SPHKAP: variants seen among roughly 807,000 people sequenced by gnomAD.
The protein encoded by SPHKAP is A-kinase anchor protein SPHKAP.
A neutral mutation model predicts 137.5 loss-of-function variants in SPHKAP; 67 were observed. That is an observed-to-expected ratio of 0.49 (90% CI 0.40 to 0.60). SPHKAP has a LOEUF of 0.60. Among genes scored for constraint, SPHKAP ranks in the 20% least tolerant of loss-of-function variants. The probability of loss-of-function intolerance (pLI) is 0.00; values close to 1 mark genes in which losing one functional copy is unlikely to be tolerated. For synonymous variants in SPHKAP, 813 were observed against 785.3 expected, an observed-to-expected ratio of 1.04 and a Z score of -0.59; for missense variants, 2,097 against 2,069.3, an observed-to-expected ratio of 1.01 and a Z score of -0.26.
chr2:228,179,945 C>T (rs986612183), intron 1 of SPHKAP, among the ~76,000 whole-genome samples: 1 of 152,168 alleles, frequency 6.6e-6, no homozygotes, highest in Non-Finnish European at 1.5e-5. Context: ...TTATTAGGAC[C>T]ACCCAATTCA....
chr2:228,033,394 C>A (rs886618281), intron 3 of SPHKAP, among the ~76,000 whole-genome samples: 2 of 152,106 alleles, frequency 1.3e-5, no homozygotes, highest in African/African-American at 4.8e-5. Context: ...CCTTAGTGAC[C>A]TACAAAGAAA....
chr2:228,030,034 G>A (rs1574771613), intron 3 of SPHKAP, among the ~76,000 whole-genome samples: 1 of 152,244 alleles, frequency 6.6e-6, no homozygotes, highest in East Asian at 1.9e-4. Context: ...GCTACTATAT[G>A]AAACTCTACC....
chr2:228,128,427 T>A (rs1186822367), intron 2 of SPHKAP, among the ~76,000 whole-genome samples: 1 of 152,154 alleles, frequency 6.6e-6, no homozygotes, highest in Non-Finnish European at 1.5e-5. Flanking sequence ...CAATTCTAGT[T>A]TTCTTGTTAT....
intron 3 of SPHKAP, among the ~76,000 whole-genome samples, chr2:228,081,032 C>T (rs1158354023): frequency 1.3e-5 from 2 of 152,104 alleles, no homozygotes; most frequent in Non-Finnish European, 2.9e-5. Context: ...ACTCAGAACC[C>T]TATTTCACTC....
chr2:228,145,439 C>T (rs913388441), intron 1 of SPHKAP, among the ~76,000 whole-genome samples: 1 of 152,012 alleles, frequency 6.6e-6, no homozygotes, highest in African/African-American at 2.4e-5. Flanking sequence ...AAACATGCAG[C>T]ATGTTGAAAT....
intron 7 of SPHKAP, among the ~76,000 whole-genome samples, chr2:228,007,772 C>T (rs974966623): frequency 3.3e-5 from 5 of 152,226 alleles, no homozygotes; most frequent in South Asian, 4.1e-4. Context: ...CTATGATCAA[C>T]TGATTTTTGA....
At chr2:227,987,473 T>A (rs1172314107) in intron 11 of SPHKAP, among the ~76,000 whole-genome samples, 1 of 149,492 alleles carries the variant, frequency 6.7e-6, no homozygotes, top group African/African-American at 2.6e-5. Flanking sequence ...CCAGGGTGTA[T>A]AACAGTGCCT....
intron 7 of SPHKAP, among the ~76,000 whole-genome samples, chr2:228,007,414 A>G (rs1181807275): frequency 2.0e-5 from 3 of 152,080 alleles, no homozygotes; most frequent in Non-Finnish European, 2.9e-5. Context: ...GCACCAGAAC[A>G]TGTTCTGTCT....
chr2:227,985,672 A>G (rs769233964), intron 11 of SPHKAP, among the ~76,000 whole-genome samples: 6 of 152,364 alleles, frequency 3.9e-5, no homozygotes, highest in Admixed American at 6.5e-5. Context: ...TTTTGTCTTA[A>G]GAAACTATAT....
At chr2:228,136,818 A>G (rs1699449524) in intron 1 of SPHKAP, among the ~76,000 whole-genome samples, 1 of 152,212 alleles carries the variant, frequency 6.6e-6, no homozygotes, top group Non-Finnish European at 1.5e-5. Context: ...AGATCAGAGT[A>G]AAAGAGATGG....
intron 5 of SPHKAP, among the ~76,000 whole-genome samples, chr2:228,024,030 C>T (rs1205621775): frequency 2.0e-5 from 3 of 152,042 alleles, no homozygotes; most frequent in South Asian, 2.1e-4. Context: ...ATGGGGCCAA[C>T]GGAAAGAAAA....
At chr2:228,051,333 A>G (rs946634854) in intron 3 of SPHKAP, among the ~76,000 whole-genome samples, 11 of 152,194 alleles carry the variant, frequency 7.2e-5, no homozygotes, top group Non-Finnish European at 1.6e-4. Context: ...CTATATCCAT[A>G]GGAAAAAATC....
intron 7 of SPHKAP, among the ~76,000 whole-genome samples, chr2:228,013,498 G>C (rs775402985): frequency 1.2e-4 from 18 of 152,128 alleles, no homozygotes; most frequent in Admixed American, 2.0e-4. Flanking sequence ...ATCTGCCTCG[G>C]CCTCCCAAAG....
intron 7 of SPHKAP, among the ~76,000 whole-genome samples, chr2:228,012,315 T>TA (rs1222014290): frequency 6.6e-6 from 1 of 152,120 alleles, no homozygotes; most frequent in Non-Finnish European, 1.5e-5. Context: ...ATCAGCTTCA[T>TA]ACCTAAAAGG....
intron 2 of SPHKAP, among the ~76,000 whole-genome samples, chr2:228,109,691 C>G (rs993936457): frequency 6.6e-6 from 1 of 152,040 alleles, no homozygotes; most frequent in Non-Finnish European, 1.5e-5. Context: ...ATTGGCTGGG[C>G]GTGGTGGGTT....
intron 1 of SPHKAP, among the ~76,000 whole-genome samples, chr2:228,146,579 A>G (rs993037659): frequency 6.6e-6 from 1 of 152,058 alleles, no homozygotes; most frequent in Admixed American, 6.6e-5. Context: ...TCCACCCTCA[A>G]ATTAACACCA....
intron 2 of SPHKAP, among the ~76,000 whole-genome samples, chr2:228,116,663 A>G (rs1342311524): frequency 6.6e-6 from 1 of 152,176 alleles, no homozygotes; most frequent in Non-Finnish European, 1.5e-5. Context: ...ACAGAGGGAC[A>G]ATATTTGCTG....
At position 228,024,344 on chromosome 2, in the gene SPHKAP, T is replaced by G. The variant is rs1264143527; in HGVS notation, c.441+1050A>C. ...AAGTGTTCTATAATGCAGAGGCAGT[T>G]TTTTTTTTTTTTTTTTTAAATCTGT... On this transcript the variant is annotated intron_variant, in intron 5 of 11. Transcript: ENST00000392056. Among the ~76,000 whole-genome samples, 5 of 68,886 alleles carry G rather than the reference T, an allele frequency of 7.3e-5. 1 individual carries two copies. The South Asian group carries it at 2.6e-3, about 36-fold the overall frequency. 45.2% of individuals were successfully genotyped at this position (68,886 alleles called of 152,430 possible). A position where few individuals can be genotyped will look rare whatever the true frequency, so the allele number is the denominator to read the frequency against.
chr2:228,116,448 T>C (rs1444235347), intron 2 of SPHKAP, among the ~76,000 whole-genome samples: 1 of 152,176 alleles, frequency 6.6e-6, no homozygotes, highest in Non-Finnish European at 1.5e-5. Context: ...GAGGAATCTT[T>C]TGCAGACATT....
Sources: gnomAD v4.1 joint callset for allele counts (sites outside exome capture counted in the v4.1 genomes callset) on GRCh38, gnomAD v4.1.1 for gene constraint, MANE v1.5 for transcripts, NCBI Gene and HGNC (gene_info 2026-07-23, HGNC 2026-07-21) for gene names.